AAK1: variants seen among roughly 807,000 people sequenced by gnomAD.
AAK1 encodes the protein AP2 associated kinase 1.
A neutral mutation model predicts 116.0 loss-of-function variants in AAK1; 37 were observed. That is an observed-to-expected ratio of 0.32 (90% CI 0.25 to 0.42). The LOEUF is 0.42. Ranked by LOEUF, AAK1 falls within the 10% of genes least tolerant of loss-of-function variation. The pLI, the probability that AAK1 is intolerant of heterozygous loss-of-function variation, is 1.00. For missense variants in AAK1, 919 were observed against 1,170.6 expected (o/e 0.79, Z 3.14); for synonymous variants, 458 against 439.9 (o/e 1.04, Z -0.51).
In AAK1 at chr2:69,542,788, A is replaced by G. The variant is rs1670774291; in HGVS notation, c.392-123T>C. The G allele has an allele frequency of 1.4e-5, 15 of 1,099,612 alleles. No homozygotes were observed. The South Asian group carries it at 2.3e-4, about 17-fold the overall frequency. The allele number at this position is 1,099,612 out of a possible 1,614,324, so 68.1% of individuals were successfully genotyped here. Reference sequence around the variant, plus strand: ...ACTAAGGTAACAGAGCTGACCACTGACTGAGCCAGGATTAAAACCTAGTTG... The same window carrying G: ...ACTAAGGTAACAGAGCTGACCACTGGCTGAGCCAGGATTAAAACCTAGTTG... On this transcript the variant is annotated intron_variant, in intron 4 of 21. Coordinates refer to ENST00000409085, the MANE Select transcript of AAK1 (RefSeq NM_014911.5).
intron 2 of AAK1, among the ~76,000 whole-genome samples, chr2:69,640,206 A>C (rs1342564388): frequency 6.6e-6 from 1 of 152,106 alleles, no homozygotes; most frequent in Non-Finnish European, 1.5e-5. Context: ...CCCATTAAGC[A>C]GTGGTTCTCA....
At chr2:69,615,423 T>C (rs1315087602) in intron 2 of AAK1, among the ~76,000 whole-genome samples, 2 of 152,196 alleles carry the variant, frequency 1.3e-5, no homozygotes, top group African/African-American at 2.4e-5. Flanking sequence ...TCTATATGAC[T>C]CAAAAGATAA....
intron 2 of AAK1, among the ~76,000 whole-genome samples, chr2:69,570,506 G>A (rs536075753): frequency 4.1e-4 from 62 of 152,058 alleles, no homozygotes; most frequent in East Asian, 1.2e-3. Flanking sequence ...CTTTTCTGCC[G>A]TAGAAATGAT....
intron 2 of AAK1, among the ~76,000 whole-genome samples, chr2:69,595,378 A>C (rs1360601838): frequency 1.3e-5 from 2 of 152,360 alleles, no homozygotes; most frequent in East Asian, 3.9e-4. Context: ...GGCCTCCCAA[A>C]GTGTTGGGAT....
chr2:69,584,498 G>C (rs1432151827), intron 2 of AAK1, among the ~76,000 whole-genome samples: 1 of 152,036 alleles, frequency 6.6e-6, no homozygotes, highest in Non-Finnish European at 1.5e-5. Context: ...AGACTTGTAG[G>C]GGTAACTTTT....
At chr2:69,572,112 A>G (rs1672114656) in intron 2 of AAK1, among the ~76,000 whole-genome samples, 1 of 152,200 alleles carries the variant, frequency 6.6e-6, no homozygotes, top group African/African-American at 2.4e-5. Context: ...GAACTGAATT[A>G]CATCAGGGGA....
chr2:69,475,170 G>T lies in AAK1; in HGVS notation c.*699C>A, dbSNP rs79085930. ...CACGTCTCCAGATCTGAGAAATCAC[G>T]GTTCAATGGAAGCCAGAAAGCTGGA... On this transcript the variant is annotated 3_prime_UTR_variant, in exon 22 of 22. Coordinates refer to ENST00000409085, the MANE Select transcript of AAK1 (RefSeq NM_014911.5). 3.4e-5 allele frequency: 34 copies of T among 985,846 alleles called. No individual in the cohort carries two copies. Among genetic ancestry groups the T allele is most frequent in the Middle Eastern group, 5.2e-4 (1 of 1,914 alleles). The allele number at this position is 985,846 out of a possible 1,614,324, so 61.1% of individuals were successfully genotyped here.
chr2:69,533,618 T>C (rs1313211271), intron 5 of AAK1, among the ~76,000 whole-genome samples: 2 of 152,246 alleles, frequency 1.3e-5, no homozygotes, highest in Admixed American at 1.3e-4. Context: ...AGGAGCTTTT[T>C]GTTTTTGTTA....
chr2:69,531,245 G>C (rs1362332839), intron 6 of AAK1, among the ~76,000 whole-genome samples: 1 of 152,112 alleles, frequency 6.6e-6, no homozygotes, highest in South Asian at 2.1e-4. Context: ...GCACGTCCTC[G>C]AAGTGAGTGT....
intron 2 of AAK1, among the ~76,000 whole-genome samples, chr2:69,563,178 C>T (rs191644067): frequency 4.7e-4 from 72 of 152,302 alleles, no homozygotes; most frequent in African/African-American, 1.7e-3. Context: ...TATCTTCTGG[C>T]TCTATATTCA....
At position 69,469,823 on chromosome 2, in the gene AAK1, C is replaced by G. The variant is rs1674616011; in HGVS notation, c.*6046G>C. On this transcript the variant is annotated 3_prime_UTR_variant, in exon 22 of 22. Coordinates refer to ENST00000409085, the MANE Select transcript of AAK1 (RefSeq NM_014911.5). Reference sequence around the variant, plus strand: ...CTTGCTCTGATGTAGGACTGTGTGCCAGGTTAGGCACGTTGACACTTTCAA... The same window carrying G: ...CTTGCTCTGATGTAGGACTGTGTGCGAGGTTAGGCACGTTGACACTTTCAA... 1 of 985,280 alleles carries G rather than the reference C, an allele frequency of 1.0e-6. No homozygotes were observed. The highest frequency in any genetic ancestry group is 6.2e-5 in the Admixed American group (1 of 16,254). 61.0% of individuals were successfully genotyped at this position (985,280 alleles called of 1,614,324 possible). A position where few individuals can be genotyped will look rare whatever the true frequency, so the allele number is the denominator to read the frequency against.
chr2:69,611,556 C>A (rs902385222), intron 2 of AAK1, among the ~76,000 whole-genome samples: 1 of 152,184 alleles, frequency 6.6e-6, no homozygotes, highest in Admixed American at 6.5e-5. Flanking sequence ...GGGACTTTGC[C>A]TTGTAATTTT....
chr2:69,604,697 G>A (rs1353548144), intron 2 of AAK1, among the ~76,000 whole-genome samples: 1 of 152,002 alleles, frequency 6.6e-6, no homozygotes, highest in African/African-American at 2.4e-5. Context: ...GAGGATGACT[G>A]GGGAAGTGGC....
At chr2:69,510,793 T>G (rs1676363118) in intron 13 of AAK1, among the ~76,000 whole-genome samples, 1 of 152,170 alleles carries the variant, frequency 6.6e-6, no homozygotes, top group Non-Finnish European at 1.5e-5. Context: ...TTAGTGGGAT[T>G]AACTTGTTTC....
chr2:69,519,850 G>C (rs1669685163), intron 11 of AAK1, among the ~76,000 whole-genome samples: 1 of 152,180 alleles, frequency 6.6e-6, no homozygotes, highest in South Asian at 2.1e-4. Context: ...AATGTCAAAA[G>C]AGAGGAGTCT....
Position 69,633,599 on chromosome 2 carries a change from C to CA in AAK1, c.163+9278dup, listed in dbSNP as rs3075922. Among the ~76,000 whole-genome samples, 518 of 114,166 alleles carry CA rather than the reference C, an allele frequency of 4.5e-3. 2 individuals carry two copies. Among genetic ancestry groups the CA allele is most frequent in the African/African-American group, 5.8e-3 (195 of 33,612 alleles). The allele number at this position is 114,166 out of a possible 152,430, so 74.9% of individuals were successfully genotyped here. ...CTGGCGACAGAATGAGACGCTGTCT[C>CA]AAAAAAAAAAAAAAAAAACTCAGTA... On this transcript the variant is annotated intron_variant, in intron 2 of 21. Coordinates refer to ENST00000409085, the MANE Select transcript of AAK1 (RefSeq NM_014911.5).
At chr2:69,642,803 T>C (rs1559028068) in intron 2 of AAK1, 75 bp downstream of exon 2, 26 of 1,596,862 alleles carry the variant, frequency 1.6e-5, no homozygotes, top group Non-Finnish European at 2.0e-5. Context: ...CATTCATACA[T>C]GCAACAACTA....
intron 17 of AAK1, among the ~76,000 whole-genome samples, chr2:69,492,518 C>CTTTTTTTTTTTTTT (rs987331929): frequency 2.4e-5 from 2 of 83,400 alleles, no homozygotes; most frequent in East Asian, 4.3e-4. Context: ...CTGGCCAATT[C>CTTTTTTTTTTTTTT]TTTTTTTTTT....
chr2:69,622,315 C>A (rs527399270), intron 2 of AAK1, among the ~76,000 whole-genome samples: 1 of 152,210 alleles, frequency 6.6e-6, no homozygotes, highest in Non-Finnish European at 1.5e-5. Flanking sequence ...AGCCTTCCCC[C>A]CTCCCCCGCC....
Sources: allele counts gnomAD v4.1 joint callset (sites outside exome capture counted in the v4.1 genomes callset), GRCh38; gene constraint gnomAD v4.1.1; transcripts MANE v1.5; gene names NCBI Gene and HGNC (gene_info 2026-07-23, HGNC 2026-07-21).